ACACA: variants seen among roughly 807,000 people sequenced by gnomAD.
ACACA encodes the protein acetyl-CoA carboxylase alpha.
A neutral mutation model predicts 296.1 loss-of-function variants in ACACA; 103 were observed. That is an observed-to-expected ratio of 0.35 (90% CI 0.30 to 0.41). ACACA has a LOEUF of 0.41. Ranked by LOEUF, ACACA falls within the 10% of genes least tolerant of loss-of-function variation. The pLI is 1.00. For missense variants in ACACA, 1,554 were observed against 2,989.7 expected (o/e 0.52, Z 11.20); for synonymous variants, 953 against 1,038.6 (o/e 0.92, Z 1.58).
At chr17:37,395,824 C>G (rs942569388) in intron 1 of ACACA, among the ~76,000 whole-genome samples, 4 of 151,888 alleles carry the variant, frequency 2.6e-5, no homozygotes, top group Non-Finnish European at 5.9e-5. Context: ...ATTATAGGCG[C>G]GAGCCACCGC....
chr17:37,247,887 ATTT>A (rs34102178), intron 18 of ACACA, 121 bp downstream of exon 18: 143 of 1,022,696 alleles, frequency 1.4e-4, no homozygotes, highest in Non-Finnish European at 1.7e-4. Context: ...TGCATGTACT[ATTT>A]TTTTTTTTTT....
At chr17:37,247,859 CTT>C (rs1435685760) in intron 18 of ACACA, 150 bp downstream of exon 18, 11 of 815,254 alleles carry the variant, frequency 1.3e-5, no homozygotes, top group Non-Finnish European at 1.9e-5. Flanking sequence ...CTTTAATACT[CTT>C]GATATTTTTG....
At chr17:37,202,666 TTC>T (rs1657157875) in intron 33 of ACACA, among the ~76,000 whole-genome samples, 1 of 116,412 alleles carries the variant, frequency 8.6e-6, no homozygotes, top group South Asian at 3.0e-4. Context: ...TTCCTTTTCT[TTC>T]ATATATATAT....
intron 25 of ACACA, among the ~76,000 whole-genome samples, chr17:37,233,750 G>T (rs2079975371): frequency 6.6e-6 from 1 of 152,096 alleles, no homozygotes; most frequent in Non-Finnish European, 1.5e-5. Context: ...AAATTAGCAA[G>T]CTGCCATAGA....
At chr17:37,306,815 C>T (rs1304983899) in intron 3 of ACACA, among the ~76,000 whole-genome samples, 1 of 152,080 alleles carries the variant, frequency 6.6e-6, no homozygotes, top group Non-Finnish European at 1.5e-5. Context: ...CTGCCTCAGC[C>T]TTCCAAGTAG....
intron 3 of ACACA, among the ~76,000 whole-genome samples, chr17:37,288,286 T>C (rs1288443874): frequency 1.3e-5 from 2 of 152,204 alleles, no homozygotes; most frequent in Admixed American, 6.5e-5. Context: ...GTCCTTAACT[T>C]TGTCATGAAC....
chr17:37,292,020 A>G (rs1247167177), intron 3 of ACACA, among the ~76,000 whole-genome samples: 5 of 152,072 alleles, frequency 3.3e-5, no homozygotes, highest in African/African-American at 4.8e-5. Flanking sequence ...CATAGTATGA[A>G]TGTCATATAT....
At chr17:37,102,267 C>T (rs1380073020) in intron 52 of ACACA, among the ~76,000 whole-genome samples, 10 of 145,598 alleles carry the variant, frequency 6.9e-5, no homozygotes, top group Non-Finnish European at 1.3e-4. Flanking sequence ...TGCAGTGGCA[C>T]GATCTCGGCT....
rs1727427516 is a variant in ACACA at position 37,330,433 on chromosome 17, G to A, written c.86-8C>T. Reference sequence around the variant, plus strand: ...CAAAATGAGCTCTTACAGCTATGGAGAAAATGAAAAGTGAGAAAGGCAGGT... The same window carrying A: ...CAAAATGAGCTCTTACAGCTATGGAAAAAATGAAAAGTGAGAAAGGCAGGT... On this transcript the variant is annotated splice_region_variant and splice_polypyrimidine_tract_variant and intron_variant, in intron 2 of 55. Coordinates refer to ENST00000616317, the MANE Select transcript of ACACA (RefSeq NM_198834.3). 6.2e-7 allele frequency: 1 copy of A among 1,614,102 alleles called. No individual in the cohort carries two copies. The highest frequency in any genetic ancestry group is 8.5e-7 in the Non-Finnish European group (1 of 1,180,028).
At chr17:37,228,206 CT>C (rs11299899) in intron 25 of ACACA, among the ~76,000 whole-genome samples, 10,756 of 106,058 alleles carry the variant, frequency 0.1, 336 homozygotes, top group East Asian at 0.31. Context: ...TTCTCAAACC[CT>C]TTTTTTTTTT....
chr17:37,293,560 T>G (rs912891227), intron 3 of ACACA, among the ~76,000 whole-genome samples: 84 of 147,368 alleles, frequency 5.7e-4, no homozygotes, highest in African/African-American at 1.2e-3. Context: ...TTTTTTTTTT[T>G]GTGACAGAGT....
intron 2 of ACACA, among the ~76,000 whole-genome samples, chr17:37,337,535 C>T (rs1490503376): frequency 1.3e-5 from 2 of 151,996 alleles, no homozygotes; most frequent in Non-Finnish European, 2.9e-5. Context: ...TTCACTGCAG[C>T]CTCAAACTCC....
intron 1 of ACACA, among the ~76,000 whole-genome samples, chr17:37,394,602 C>A (rs1187359731): frequency 6.7e-6 from 1 of 150,374 alleles, no homozygotes; most frequent in Non-Finnish European, 1.5e-5. Flanking sequence ...CTCGGCCGGG[C>A]GCGGTGGCTC....
intron 1 of ACACA, among the ~76,000 whole-genome samples, chr17:37,355,642 G>A (rs188538517): frequency 9.0e-4 from 136 of 151,888 alleles, no homozygotes; most frequent in Non-Finnish European, 1.6e-3. Flanking sequence ...GATTATCCGA[G>A]GTCGGGAGTT....
At chr17:37,214,821 C>T (rs1439539967) in intron 29 of ACACA, among the ~76,000 whole-genome samples, 1 of 152,178 alleles carries the variant, frequency 6.6e-6, no homozygotes. Context: ...ATTTATAGCT[C>T]ATTCTGGCTT....
At chr17:37,402,333 A>G (rs1322112486) in intron 1 of ACACA, among the ~76,000 whole-genome samples, 1 of 152,124 alleles carries the variant, frequency 6.6e-6, no homozygotes, top group Non-Finnish European at 1.5e-5. Context: ...ACCTTGGCAA[A>G]AAAAACCTTG....
intron 54 of ACACA, among the ~76,000 whole-genome samples, chr17:37,090,622 G>C (rs903577383): frequency 3.3e-5 from 5 of 152,120 alleles, no homozygotes; most frequent in African/African-American, 1.2e-4. Context: ...AAAGTGTTTT[G>C]CGCCTAAGGA....
chr17:37,325,342 TACA>T (rs952131214), intron 3 of ACACA, among the ~76,000 whole-genome samples: 1 of 148,228 alleles, frequency 6.7e-6, no homozygotes, highest in Non-Finnish European at 1.5e-5. Flanking sequence ...CTCCAGCCTG[TACA>T]ACAAGAGTGA....
At chr17:37,132,080 C>T (rs1336390163) in intron 45 of ACACA, among the ~76,000 whole-genome samples, 1 of 152,232 alleles carries the variant, frequency 6.6e-6, no homozygotes, top group African/African-American at 2.4e-5. Flanking sequence ...CAGCTTTCTG[C>T]TCTGCTGAGT....
Sources: gnomAD v4.1 joint callset for allele counts (sites outside exome capture counted in the v4.1 genomes callset) on GRCh38, gnomAD v4.1.1 for gene constraint, MANE v1.5 for transcripts, NCBI Gene and HGNC (gene_info 2026-07-23, HGNC 2026-07-21) for gene names.